SGCD: variants seen among roughly 807,000 people sequenced by gnomAD.
SGCD encodes the protein sarcoglycan delta, also known as delta-sarcoglycan.
A neutral mutation model predicts 36.6 loss-of-function variants in SGCD; 18 were observed. That is an observed-to-expected ratio of 0.49 (90% CI 0.34 to 0.73). The LOEUF (loss-of-function observed/expected upper bound fraction) is 0.73. Ranked by LOEUF, SGCD falls within the 30% of genes least tolerant of loss-of-function variation. The probability of loss-of-function intolerance (pLI) is 0.01; values close to 1 mark genes in which losing one functional copy is unlikely to be tolerated. For synonymous variants in SGCD, 133 were observed against 130.6 expected (o/e 1.02, Z -0.12); for missense variants, 387 against 346.7 (o/e 1.12, Z -0.92).
chr5:155,888,082 C>A (rs896878728), intron 1 of SGCD, among the ~76,000 whole-genome samples: 3 of 152,186 alleles, frequency 2.0e-5, no homozygotes, highest in African/African-American at 7.2e-5. Flanking sequence ...TGAGATTCTG[C>A]AACCAAATTC....
At chr5:156,274,129 G>C (rs760453589) in intron 3 of SGCD, among the ~76,000 whole-genome samples, 2 of 152,108 alleles carry the variant, frequency 1.3e-5, no homozygotes, top group African/African-American at 2.4e-5. Context: ...GCCCCACAGC[G>C]TGAGGAGGTT....
intron 7 of SGCD, among the ~76,000 whole-genome samples, chr5:156,735,326 A>G (rs1001297092): frequency 2.6e-5 from 4 of 152,136 alleles, no homozygotes; most frequent in African/African-American, 9.7e-5. Flanking sequence ...TCCAAAGCCC[A>G]AAGGCTGGAA....
chr5:156,329,839 A>G (rs1767982051), intron 2 of SGCD, among the ~76,000 whole-genome samples: 1 of 151,902 alleles, frequency 6.6e-6, no homozygotes, highest in Admixed American at 6.6e-5. Context: ...AACACGGTGA[A>G]ATCCCATCTA....
intron 4 of SGCD, among the ~76,000 whole-genome samples, chr5:156,579,123 A>G (rs981263554): frequency 1.3e-5 from 2 of 152,054 alleles, no homozygotes; most frequent in African/African-American, 4.8e-5. Flanking sequence ...CTTTGTTCTC[A>G]TTGGTTTCAA....
chr5:156,581,526 G>T (rs943572114), intron 4 of SGCD, among the ~76,000 whole-genome samples: 3 of 152,212 alleles, frequency 2.0e-5, no homozygotes, highest in African/African-American at 7.2e-5. Context: ...TGCCCCCTGA[G>T]TTGGAGTCTA....
intron 1 of SGCD, among the ~76,000 whole-genome samples, chr5:155,925,933 T>C (rs1042790935): frequency 1.3e-5 from 2 of 150,448 alleles, no homozygotes; most frequent in African/African-American, 4.9e-5. Context: ...TTTTTTTTTT[T>C]GTTTTGTTTT....
intron 3 of SGCD, among the ~76,000 whole-genome samples, chr5:156,231,067 A>G (rs1227114883): frequency 1.3e-5 from 2 of 152,184 alleles, no homozygotes; most frequent in Admixed American, 1.3e-4. Flanking sequence ...GTGAAAGGTA[A>G]TGAGTTTGGT....
intron 4 of SGCD, among the ~76,000 whole-genome samples, chr5:156,558,022 G>A (rs1420342967): frequency 1.4e-5 from 2 of 144,816 alleles, no homozygotes; most frequent in Non-Finnish European, 3.0e-5. Context: ...TACCTGGGAT[G>A]GAAAAATGGG....
intron 3 of SGCD, among the ~76,000 whole-genome samples, chr5:156,236,443 T>C (rs1765164534): frequency 6.6e-6 from 1 of 150,692 alleles, no homozygotes; most frequent in Non-Finnish European, 1.5e-5. Flanking sequence ...ATAATGCTAA[T>C]TCGTATACTT....
rs191403897 is a variant in SGCD at position 156,456,202 on chromosome 5, A to G, written c.193-52399A>G. Among the ~76,000 whole-genome samples the G allele has an allele frequency of 7.9e-5, 12 of 152,302 alleles. No individual in the cohort carries two copies. The East Asian group carries it at 2.1e-3, about 27-fold the overall frequency. On this transcript the variant is annotated intron_variant, in intron 3 of 8. Coordinates refer to ENST00000337851, the MANE Select transcript of SGCD (RefSeq NM_000337.6). ...TGGAATGGGATAACGGATGGAGGCT[A>G]GGAGAGTTTGTGGCACTTGATAGGA...
intron 3 of SGCD, among the ~76,000 whole-genome samples, chr5:156,494,179 C>T (rs1024967128): frequency 6.6e-6 from 1 of 151,930 alleles, no homozygotes; most frequent in Non-Finnish European, 1.5e-5. Flanking sequence ...TTCCAGGCAC[C>T]ACATGAAGCA....
At chr5:155,943,224 C>T (rs1410272031) in intron 1 of SGCD, among the ~76,000 whole-genome samples, 1 of 152,148 alleles carries the variant, frequency 6.6e-6, no homozygotes, top group African/African-American at 2.4e-5. Flanking sequence ...ATGAGAACTA[C>T]ACATGCTATT....
chr5:156,571,730 A>ATC (rs1759731872), intron 4 of SGCD, among the ~76,000 whole-genome samples: 1 of 152,228 alleles, frequency 6.6e-6, no homozygotes, highest in Admixed American at 6.5e-5. Context: ...AAAGATGATA[A>ATC]TCCCCCAAAA....
At chr5:155,915,142 C>A (rs1756710076) in intron 1 of SGCD, among the ~76,000 whole-genome samples, 1 of 152,132 alleles carries the variant, frequency 6.6e-6, no homozygotes, top group Non-Finnish European at 1.5e-5. Flanking sequence ...ATTAAAACAA[C>A]CCAAAGCAGT....
At chr5:156,752,291 C>A (rs1242138988) in intron 7 of SGCD, among the ~76,000 whole-genome samples, 1 of 152,112 alleles carries the variant, frequency 6.6e-6, no homozygotes, top group Non-Finnish European at 1.5e-5. Flanking sequence ...TTGTTACTCC[C>A]GGGGGGAAGG....
At chr5:156,248,798 C>A (rs374053704) in intron 3 of SGCD, among the ~76,000 whole-genome samples, 1 of 152,102 alleles carries the variant, frequency 6.6e-6, no homozygotes, top group South Asian at 2.1e-4. Flanking sequence ...GGATTAAACA[C>A]GGATGATAGC....
chr5:155,898,637 G>T (rs973468008), intron 1 of SGCD, among the ~76,000 whole-genome samples: 3 of 152,084 alleles, frequency 2.0e-5, no homozygotes, highest in Admixed American at 6.6e-5. Context: ...TCCCAGGGTT[G>T]GTGTAGTATC....
At chr5:156,416,059 A>G (rs530153116) in intron 3 of SGCD, among the ~76,000 whole-genome samples, 2 of 152,328 alleles carry the variant, frequency 1.3e-5, no homozygotes, top group African/African-American at 4.8e-5. Flanking sequence ...TTCTCTAATA[A>G]TCATCACTGC....
intron 3 of SGCD, among the ~76,000 whole-genome samples, chr5:156,161,177 G>A (rs537192389): frequency 7.3e-5 from 11 of 151,642 alleles, no homozygotes; most frequent in Non-Finnish European, 1.0e-4. Flanking sequence ...ATCAATGCAC[G>A]AACATATCAA....
Sources: gnomAD v4.1 joint callset for allele counts (sites outside exome capture counted in the v4.1 genomes callset) on GRCh38, gnomAD v4.1.1 for gene constraint, MANE v1.5 for transcripts, NCBI Gene and HGNC (gene_info 2026-07-23, HGNC 2026-07-21) for gene names.